Variants in GSS observed in about 807,000 individuals in gnomAD.
GSS encodes the protein glutathione synthetase.
A neutral mutation model predicts 60.4 loss-of-function variants in GSS; 34 were observed. The ratio of observed to expected loss-of-function variants is 0.56; its 90% confidence interval spans 0.43 to 0.75. The LOEUF is 0.75. GSS is among the 30% of genes least tolerant of loss of function. The pLI, the probability that GSS is intolerant of heterozygous loss-of-function variation, is 0.00. For synonymous variants in GSS, 224 were observed against 239.0 expected, an observed-to-expected ratio of 0.94 and a Z score of 0.58; for missense variants, 499 against 595.1, an observed-to-expected ratio of 0.84 and a Z score of 1.68.
chr20:34,943,080 T>C (rs2081497042), intron 3 of GSS, 74 bp from the exon 4 acceptor site: 1 of 946,898 alleles, frequency 1.1e-6, no homozygotes, highest in Non-Finnish European at 1.7e-6. Flanking sequence ...TCCTCAGTCA[T>C]TGACTCCTGA....
intron 2 of GSS, 26 bp from the exon 3 acceptor site, chr20:34,946,124 CA>C (rs1201601425): frequency 1.3e-6 from 2 of 1,597,448 alleles, no homozygotes; most frequent in Non-Finnish European, 1.7e-6. Flanking sequence ...GAGAATGGGA[CA>C]GGGGTAGGGC....
intron 4 of GSS, 88 bp downstream of exon 4, chr20:34,942,843 G>A: frequency 9.7e-7 from 1 of 1,026,810 alleles, no homozygotes; most frequent in East Asian, 2.5e-5. Context: ...TGAGCTGAGG[G>A]CCTGGACCAA....
At chr20:34,942,899 T>G in intron 4 of GSS, 32 bp downstream of exon 4, 1 of 1,452,062 alleles carries the variant, frequency 6.9e-7, no homozygotes, top group Non-Finnish European at 9.6e-7. Flanking sequence ...GAGGGACAGG[T>G]TACAGACTGG....
At position 34,942,942 on chromosome 20, in the gene GSS, C is replaced by T. The variant is rs777019114; in HGVS notation, c.340G>A (p.Gly114Ser). 4 of 1,604,064 alleles carry T rather than the reference C, an allele frequency of 2.5e-6. No homozygotes were observed. The East Asian group carries it at 6.7e-5, about 27-fold the overall frequency. ...FDIHKQVLKE[G>S]IAQTVFLGLN... ...CTGGGAATGGTTACCTGGGCAATGC[C>T]CTCTTTTAGGACTTGCTTGTGGATG... The change falls in exon 4 of 13, where the codon GGC becomes AGC. Residue 114 changes from glycine to serine, a missense_variant. Coordinates refer to ENST00000651619, the MANE Select transcript of GSS (RefSeq NM_000178.4).
intron 9 of GSS, among the ~76,000 whole-genome samples, chr20:34,932,999 C>T (rs6087652): frequency 6.6e-6 from 1 of 151,796 alleles, no homozygotes; most frequent in South Asian, 2.1e-4. Context: ...GTGCACGCCA[C>T]CACACCCAGC....
chr20:34,936,433 G>C lies in GSS; in HGVS notation c.767+330C>G, dbSNP rs576652664. Among the ~76,000 whole-genome samples, 16 of 152,310 alleles carry C rather than the reference G, an allele frequency of 1.1e-4. No individual in the cohort carries two copies. In the East Asian group the frequency reaches 1.2e-3, roughly 11 times the overall value. ...TCCAGACCAATCACAGCATGAGCCAGCTGCTCCTCTTCCTCCCTGACTGCC... is the reference window on the plus strand; with the variant it reads ...TCCAGACCAATCACAGCATGAGCCACCTGCTCCTCTTCCTCCCTGACTGCC... On this transcript the variant is annotated intron_variant, in intron 8 of 12. Coordinates refer to ENST00000651619, the MANE Select transcript of GSS (RefSeq NM_000178.4).
chr20:34,951,690 T>C (rs1325048419), intron 2 of GSS, 34 bp downstream of exon 2: 1 of 1,585,188 alleles, frequency 6.3e-7, no homozygotes, highest in Non-Finnish European at 8.6e-7. Flanking sequence ...CAGTGGGCCA[T>C]GGTGAATGCT....
At chr20:34,940,713 A>G (rs955364243) in intron 6 of GSS, among the ~76,000 whole-genome samples, 4 of 152,238 alleles carry the variant, frequency 2.6e-5, no homozygotes, top group African/African-American at 9.6e-5. Flanking sequence ...AGGACTATTA[A>G]TGCTATATTA....
Position 34,951,824 on chromosome 20 carries a change from T to C in GSS, c.29A>G (p.Gln10Arg), listed in dbSNP as rs1317545319. ...CAGCTCCTCTAGCTGCTGTTTATCCTGCAAGAGGCTCCCCCAGTTGGTGGC... is the reference window on the plus strand; with the variant it reads ...CAGCTCCTCTAGCTGCTGTTTATCCCGCAAGAGGCTCCCCCAGTTGGTGGC... MATNWGSLL[Q>R]DKQQLEELAR... Residue 10 changes from glutamine to arginine, a missense_variant, in exon 2 of 13, where the codon CAG (glutamine) becomes CGG (arginine). Physicochemically the swap from Gln to Arg is conservative, Grantham distance 43. Transcript: ENST00000651619. The C allele has an allele frequency of 1.2e-6, 2 of 1,614,158 alleles. No homozygotes were observed. The highest frequency in any genetic ancestry group is 2.7e-5 in the African/African-American group (2 of 75,064).
chr20:34,948,832 C>T (rs1167127688), intron 2 of GSS, among the ~76,000 whole-genome samples: 2 of 151,586 alleles, frequency 1.3e-5, no homozygotes, highest in Non-Finnish European at 2.9e-5. Flanking sequence ...ACCTATAGCA[C>T]GTGCATGACA....
chr20:34,930,667 T>C (rs2081394312), intron 11 of GSS, among the ~76,000 whole-genome samples: 1 of 152,228 alleles, frequency 6.6e-6, no homozygotes, highest in African/African-American at 2.4e-5. Flanking sequence ...ACCACTTGAG[T>C]CCTGGATCAA....
intron 8 of GSS, among the ~76,000 whole-genome samples, chr20:34,936,283 T>C (rs2147125223): frequency 6.6e-6 from 1 of 152,316 alleles, no homozygotes; most frequent in South Asian, 2.1e-4. Context: ...AAGGTCTAGG[T>C]CTAAATATAT....
intron 6 of GSS, among the ~76,000 whole-genome samples, chr20:34,938,331 A>G (rs2081456842): frequency 2.0e-5 from 3 of 152,152 alleles, no homozygotes; most frequent in Admixed American, 2.0e-4. Flanking sequence ...CTCTTAGTCT[A>G]AACTCTGTTT....
chr20:34,931,870 C>G, intron 10 of GSS, 69 bp downstream of exon 10: 1 of 1,420,750 alleles, frequency 7.0e-7, no homozygotes, highest in Non-Finnish European at 9.9e-7. Context: ...CCACCCTCCC[C>G]AACACATTGG....
intron 1 of GSS, 172 bp from the exon 2 acceptor site, chr20:34,952,032 G>A: frequency 1.5e-6 from 1 of 674,890 alleles, no homozygotes; most frequent in Non-Finnish European, 2.7e-6. Flanking sequence ...CAACTTCCAT[G>A]TGCACAAAAT....
chr20:34,929,839 A>T (rs564731490), intron 11 of GSS, among the ~76,000 whole-genome samples: 25 of 152,210 alleles, frequency 1.6e-4, no homozygotes, highest in Middle Eastern at 3.4e-3. Flanking sequence ...GTTCCTTCTC[A>T]AGCTCCATTG....
At chr20:34,930,947 A>G (rs2081396208) in intron 11 of GSS, among the ~76,000 whole-genome samples, 1 of 151,842 alleles carries the variant, frequency 6.6e-6, no homozygotes, top group African/African-American at 2.4e-5. Context: ...GGAAATTCCT[A>G]CCCACCTCTT....
chr20:34,941,279 C>T (rs540479009), intron 6 of GSS, among the ~76,000 whole-genome samples: 7 of 151,596 alleles, frequency 4.6e-5, no homozygotes, highest in Admixed American at 2.6e-4. Context: ...TGCTTGAACC[C>T]GGGAGGTGGA....
intron 2 of GSS, among the ~76,000 whole-genome samples, chr20:34,951,112 T>C (rs750950673): frequency 2.6e-5 from 4 of 152,178 alleles, no homozygotes; most frequent in Admixed American, 6.5e-5. Flanking sequence ...TAAATAGACA[T>C]GAGTAGAGGG....
Sources: allele counts gnomAD v4.1 joint callset (sites outside exome capture counted in the v4.1 genomes callset), GRCh38; gene constraint gnomAD v4.1.1; transcripts MANE v1.5; gene names NCBI Gene and HGNC (gene_info 2026-07-23, HGNC 2026-07-21).